The following LHFPL6 variants were observed in gnomAD, a reference collection of about 807,000 sequenced individuals.
LHFPL6 encodes LHFPL tetraspan subfamily member 6 protein.
LHFPL6 carries 9 observed loss-of-function variants against 20.6 expected under a neutral mutation model. The observed-to-expected ratio is 0.44, with a 90% CI of 0.26 to 0.76. The LOEUF (loss-of-function observed/expected upper bound fraction) is 0.76. LHFPL6 is among the 30% of genes least tolerant of loss of function. The probability of loss-of-function intolerance (pLI) is 0.20; values close to 1 mark genes in which losing one functional copy is unlikely to be tolerated. For missense variants in LHFPL6, 218 were observed against 253.5 expected, an observed-to-expected ratio of 0.86 and a Z score of 0.95; for synonymous variants, 105 against 98.7, an observed-to-expected ratio of 1.06 and a Z score of -0.38.
chr13:39,459,060 T>G (rs1872632952), intron 2 of LHFPL6, among the ~76,000 whole-genome samples: 1 of 152,074 alleles, frequency 6.6e-6, no homozygotes, highest in Admixed American at 6.6e-5. Flanking sequence ...TTTTAATAAT[T>G]CTCTTCAAGG....
In LHFPL6 at chr13:39,400,521, C is replaced by T. The variant is rs891853817; in HGVS notation, c.386-21995G>A. ...TGGCAAGGCCGGGCGCGGTGGCTCA[C>T]GCCTGTAATCCCAGCACTTTGGGAG... On this transcript the variant is annotated intron_variant, in intron 2 of 3. Transcript: ENST00000379589. Among the ~76,000 whole-genome samples the T allele has an allele frequency of 7.2e-5, 11 of 152,102 alleles. 1 individual carries two copies. The highest frequency in any genetic ancestry group is 4.4e-5 in the Non-Finnish European group (3 of 68,020).
chr13:39,572,265 C>T (rs1375168873), intron 2 of LHFPL6, among the ~76,000 whole-genome samples: 2 of 148,838 alleles, frequency 1.3e-5, no homozygotes, highest in Admixed American at 6.7e-5. Flanking sequence ...GGCTCAGAGC[C>T]GTGGTAGTAT....
At chr13:39,457,799 G>A (rs1049145720) in intron 2 of LHFPL6, among the ~76,000 whole-genome samples, 1 of 152,098 alleles carries the variant, frequency 6.6e-6, no homozygotes, top group Non-Finnish European at 1.5e-5. Flanking sequence ...GAATTGTATT[G>A]TATAAATATA....
intron 2 of LHFPL6, among the ~76,000 whole-genome samples, chr13:39,557,321 G>A (rs1871336626): frequency 1.3e-5 from 2 of 152,230 alleles, no homozygotes; most frequent in South Asian, 2.1e-4. Context: ...CTTGGTGGCC[G>A]CCATGTGGTG....
intron 2 of LHFPL6, among the ~76,000 whole-genome samples, chr13:39,500,911 C>T (rs533734474): frequency 1.5e-4 from 23 of 152,206 alleles, no homozygotes; most frequent in African/African-American, 4.8e-4. Flanking sequence ...ATGAGAATCA[C>T]CTGGAAAACT....
In LHFPL6 at chr13:39,600,934, G is replaced by A; in HGVS notation, c.283C>T (p.Leu95Phe). 1.9e-6 allele frequency: 3 copies of A among 1,602,484 alleles called. No homozygotes were observed. The highest frequency in any genetic ancestry group is 2.6e-6 in the Non-Finnish European group (3 of 1,172,364). The change falls in exon 2 of 4, where the codon CTC becomes TTC. Residue 95 changes from leucine (L) to phenylalanine (F), a missense_variant. Transcript: ENST00000379589. The stretch of plus-strand genomic sequence containing the variant: ...GCAGTGAGCGCCACCAGGAGGAGGA[G>A]GCCACAACCCAGGCCGGTCACTATG... ...CTIVTGLGCG[L>F]LLLVALTALM...
intron 2 of LHFPL6, among the ~76,000 whole-genome samples, chr13:39,444,665 T>G (rs1032777297): frequency 4.6e-5 from 7 of 152,184 alleles, no homozygotes; most frequent in African/African-American, 1.7e-4. Flanking sequence ...GCTATAAATC[T>G]TGATAACATC....
chr13:39,371,157 A>G (rs1257134457), intron 3 of LHFPL6, among the ~76,000 whole-genome samples: 1 of 152,244 alleles, frequency 6.6e-6, no homozygotes, highest in Non-Finnish European at 1.5e-5. Flanking sequence ...ACTGCTCTTA[A>G]GAAGCCACCA....
chr13:39,582,202 G>A (rs1872309060), intron 2 of LHFPL6, among the ~76,000 whole-genome samples: 1 of 152,186 alleles, frequency 6.6e-6, no homozygotes, highest in Non-Finnish European at 1.5e-5. Flanking sequence ...AAAAGAGAGA[G>A]CTGCTACTGA....
At chr13:39,450,875 C>A (rs1482515354) in intron 2 of LHFPL6, among the ~76,000 whole-genome samples, 1 of 152,050 alleles carries the variant, frequency 6.6e-6, no homozygotes, top group African/African-American at 2.4e-5. Flanking sequence ...AGTAACTGAG[C>A]AGTAGGGACC....
intron 2 of LHFPL6, among the ~76,000 whole-genome samples, chr13:39,574,264 C>T (rs1248420009): frequency 1.3e-5 from 2 of 152,108 alleles, no homozygotes; most frequent in Non-Finnish European, 2.9e-5. Flanking sequence ...GGGCGGATCA[C>T]AAGGTCAGGA....
chr13:39,451,229 T>G (rs554112715), intron 2 of LHFPL6, among the ~76,000 whole-genome samples: 1 of 152,296 alleles, frequency 6.6e-6, no homozygotes, highest in South Asian at 2.1e-4. Flanking sequence ...ACAGAGTCAA[T>G]GGAAGATACT....
intron 2 of LHFPL6, among the ~76,000 whole-genome samples, chr13:39,561,271 TAA>T (rs1474394094): frequency 3.3e-5 from 5 of 151,990 alleles, no homozygotes; most frequent in African/African-American, 4.8e-5. Flanking sequence ...AACCTCTCCC[TAA>T]ACCCTTTCTA....
chr13:39,450,254 A>C (rs7337916), intron 2 of LHFPL6, among the ~76,000 whole-genome samples: 2 of 151,480 alleles, frequency 1.3e-5, no homozygotes, highest in African/African-American at 4.9e-5. Context: ...AATCTGTCAA[A>C]ACTGACTAAA....
At chr13:39,469,594 A>G (rs1193449701) in intron 2 of LHFPL6, among the ~76,000 whole-genome samples, 2 of 152,134 alleles carry the variant, frequency 1.3e-5, no homozygotes, top group Non-Finnish European at 1.5e-5. Flanking sequence ...AGGACTGAAA[A>G]TAAATCAGAA....
intron 3 of LHFPL6, among the ~76,000 whole-genome samples, chr13:39,358,067 A>G (rs1869774813): frequency 6.6e-6 from 1 of 152,180 alleles, no homozygotes; most frequent in Non-Finnish European, 1.5e-5. Context: ...GTATGGAACC[A>G]AAAAAGAGCC....
intron 2 of LHFPL6, among the ~76,000 whole-genome samples, chr13:39,499,465 C>A (rs4079847): frequency 6.6e-6 from 1 of 152,180 alleles, no homozygotes; most frequent in African/African-American, 2.4e-5. Context: ...GCCCAGGCAT[C>A]CTCAGCGCCT....
At chr13:39,528,065 A>G (rs1870350121) in intron 2 of LHFPL6, among the ~76,000 whole-genome samples, 1 of 152,204 alleles carries the variant, frequency 6.6e-6, no homozygotes, top group South Asian at 2.1e-4. Flanking sequence ...CTTCCGCTTC[A>G]TATGACCCTC....
chr13:39,566,019 T>C (rs1217465930), intron 2 of LHFPL6, among the ~76,000 whole-genome samples: 1 of 152,234 alleles, frequency 6.6e-6, no homozygotes, highest in Non-Finnish European at 1.5e-5. Flanking sequence ...TGCCCTAGGA[T>C]CTATCTGAAA....
Sources: allele counts gnomAD v4.1 joint callset (sites outside exome capture counted in the v4.1 genomes callset), GRCh38; gene constraint gnomAD v4.1.1; transcripts MANE v1.5; gene names NCBI Gene and HGNC (gene_info 2026-07-23, HGNC 2026-07-21).